Variants in CLIP2 observed in about 807,000 individuals in gnomAD.
The protein encoded by CLIP2 is CAP-Gly domain-containing linker protein 2.
In CLIP2, 41 loss-of-function variants were observed where a neutral mutation model predicts 111.7. The ratio of observed to expected loss-of-function variants is 0.37; its 90% CI spans 0.29 to 0.48. The LOEUF (loss-of-function observed/expected upper bound fraction) is 0.48. Ranked by LOEUF, CLIP2 falls within the 20% of genes least tolerant of loss-of-function variation. The pLI, the probability that CLIP2 is intolerant of heterozygous loss-of-function variation, is 0.99. For synonymous variants in CLIP2, 660 were observed against 644.2 expected (o/e 1.02, Z -0.37); for missense variants, 1,160 against 1,422.1 (o/e 0.82, Z 2.96).
chr7:74,351,616 AC>A (rs1790000952), intron 3 of CLIP2, among the ~76,000 whole-genome samples: 1 of 151,826 alleles, frequency 6.6e-6, no homozygotes, highest in Admixed American at 6.6e-5. Flanking sequence ...AGGGCAGATC[AC>A]CTGAGGTCAG....
intron 3 of CLIP2, among the ~76,000 whole-genome samples, chr7:74,351,750 C>G (rs541287681): frequency 7.2e-5 from 11 of 152,130 alleles, no homozygotes; most frequent in African/African-American, 2.7e-4. Flanking sequence ...GCTGGAGAAC[C>G]GCTTGAACCT....
Position 74,403,851 on chromosome 7 carries a change from C to T in CLIP2, c.*3C>T. 1 of 1,613,310 alleles carries T rather than the reference C, an allele frequency of 6.2e-7. No individual in the cohort carries two copies. The highest frequency in any genetic ancestry group is 1.1e-5 in the South Asian group (1 of 91,070). ...ACTCTCTCTAGGACAAGCACTGATC[C>T]TGAGGGGATACTGTGGAGCAGCCCA... On this transcript the variant is annotated 3_prime_UTR_variant, in exon 17 of 17. Transcript: ENST00000223398.
chr7:74,338,726 G>A lies in CLIP2; in HGVS notation c.400G>A (p.Ala134Thr). 1 of 1,593,522 alleles carries A rather than the reference G, an allele frequency of 6.3e-7. No homozygotes were observed. The highest frequency in any genetic ancestry group is 8.5e-7 in the Non-Finnish European group (1 of 1,173,258). ...VGGVRYFECP[A>T]LQGIFTRPSK... ...CGGCGTGCGCTACTTCGAGTGCCCG[G>A]CCCTCCAGGGTATCTTCACGCGGCC... The change falls in exon 3 of 17, where the codon GCC becomes ACC. Residue 134 changes from alanine to threonine, a missense_variant. By Grantham distance (58) the Ala-to-Thr change is moderately conservative. Transcript: ENST00000223398. This position sits in a 1 kb window ranked among gnomAD's most constrained non-coding sequence, Gnocchi z 4.3.
chr7:74,309,826 CAA>C (rs34735020), intron 1 of CLIP2, among the ~76,000 whole-genome samples: 309 of 128,000 alleles, frequency 2.4e-3, no homozygotes, highest in South Asian at 3.6e-3. Context: ...GACTCCATCT[CAA>C]AAAAAAAAAA....
intron 1 of CLIP2, among the ~76,000 whole-genome samples, chr7:74,306,854 G>T (rs991227323): frequency 6.6e-6 from 1 of 152,186 alleles, no homozygotes; most frequent in Non-Finnish European, 1.5e-5. Flanking sequence ...TGAAACTGAG[G>T]CTCTCTCTGG....
At chr7:74,396,972 C>G in intron 13 of CLIP2, 102 bp from the exon 14 acceptor site, 1 of 1,433,458 alleles carries the variant, frequency 7.0e-7, no homozygotes, top group Non-Finnish European at 9.5e-7. Context: ...CCCATGTCCC[C>G]CACCAGTTGG....
chr7:74,349,490 A>G lies in CLIP2; in HGVS notation c.679-4390A>G, dbSNP rs868913640. 8.9e-4 allele frequency among the ~76,000 whole-genome samples: 110 copies of G among 123,450 alleles called. 3 individuals are homozygous for G. In the South Asian group the frequency reaches 0.012, roughly 13 times the overall value. The allele number at this position is 123,450 out of a possible 152,430, so 81.0% of individuals were successfully genotyped here. A position where few individuals can be genotyped will look rare whatever the true frequency, so the allele number is the denominator to read the frequency against. On this transcript the variant is annotated intron_variant, in intron 3 of 16. Transcript: ENST00000223398. ...TGTGTGTATATATATATATATATAT[A>G]TATATATATATATATATATATGTAA...
At position 74,364,993 on chromosome 7, in the gene CLIP2, T is replaced by TTGTGTG. The variant is rs10600630; in HGVS notation, c.1380+731_1380+736dup. The TTGTGTG allele has an allele frequency of 5.5e-3, 1,468 of 264,890 alleles. 30 individuals are homozygous for TTGTGTG. Among genetic ancestry groups the TTGTGTG allele is most frequent in the Non-Finnish European group, 7.4e-3 (991 of 134,366 alleles). 16.4% of individuals were successfully genotyped at this position (264,890 alleles called of 1,614,324 possible). Reference sequence around the variant, plus strand: ...GAGCTATGATTGCGCCTGTTTTTTGTTGTGTGTGTGTGTGTGTGTGTGTGT... The same window carrying TTGTGTG: ...GAGCTATGATTGCGCCTGTTTTTTGTTGTGTGTGTGTGTGTGTGTGTGTGTGTGTGT... On this transcript the variant is annotated intron_variant, in intron 8 of 16. Coordinates refer to ENST00000223398, the MANE Select transcript of CLIP2 (RefSeq NM_003388.5).
At chr7:74,372,255 G>A (rs1340982505) in intron 8 of CLIP2, among the ~76,000 whole-genome samples, 4 of 152,124 alleles carry the variant, frequency 2.6e-5, no homozygotes, top group Non-Finnish European at 4.4e-5. Context: ...TGTGGGGTCC[G>A]GTGGGGTGGG....
intron 1 of CLIP2, among the ~76,000 whole-genome samples, chr7:74,296,562 G>C (rs1788174170): frequency 6.6e-6 from 1 of 151,950 alleles, no homozygotes. Flanking sequence ...GGCTGAGGCA[G>C]GCAGATCATG....
chr7:74,354,386 G>A (rs1401118455), intron 4 of CLIP2, among the ~76,000 whole-genome samples: 1 of 152,034 alleles, frequency 6.6e-6, no homozygotes, highest in Non-Finnish European at 1.5e-5. Flanking sequence ...GGCTGAGGCA[G>A]GTGGATCACT....
At chr7:74,336,874 TG>T (rs1789484042) in intron 2 of CLIP2, among the ~76,000 whole-genome samples, 3 of 49,428 alleles carry the variant, frequency 6.1e-5, no homozygotes, top group East Asian at 5.9e-4. Context: ...TTTTTTTTTT[TG>T]TTTTTTTTTG....
intron 12 of CLIP2, among the ~76,000 whole-genome samples, chr7:74,387,086 G>T (rs1393173215): frequency 2.6e-5 from 4 of 151,566 alleles, no homozygotes; most frequent in Non-Finnish European, 2.9e-5. Flanking sequence ...ATGTACCTGG[G>T]GAGCAGTGAG....
intron 1 of CLIP2, among the ~76,000 whole-genome samples, chr7:74,303,911 C>CAA (rs34205594): frequency 0.59 from 73,541 of 124,390 alleles, 23,660 homozygotes; most frequent in Non-Finnish European, 0.75. Flanking sequence ...GACTCGGTCT[C>CAA]AAAAAAAAAA....
At chr7:74,361,717 G>A (rs1790335628) in intron 7 of CLIP2, among the ~76,000 whole-genome samples, 2 of 152,244 alleles carry the variant, frequency 1.3e-5, no homozygotes, top group East Asian at 1.9e-4. Flanking sequence ...TACACATCAG[G>A]AAACTGAAGT....
chr7:74,349,426 T>C (rs1789906176), intron 3 of CLIP2, among the ~76,000 whole-genome samples: 2 of 55,040 alleles, frequency 3.6e-5, no homozygotes, highest in Admixed American at 2.5e-4. Flanking sequence ...CGAGACTCTG[T>C]CTCAAAAAAA....
intron 3 of CLIP2, among the ~76,000 whole-genome samples, chr7:74,351,855 A>C (rs1790012228): frequency 6.6e-6 from 1 of 152,050 alleles, no homozygotes; most frequent in African/African-American, 2.4e-5. Flanking sequence ...AAATAAAATA[A>C]AATAAAATAC....
At chr7:74,295,416 G>A (rs1294816602) in intron 1 of CLIP2, among the ~76,000 whole-genome samples, 1 of 152,184 alleles carries the variant, frequency 6.6e-6, no homozygotes, top group African/African-American at 2.4e-5. Context: ...CACATTGAGT[G>A]TGAAGTTGGG....
intron 13 of CLIP2, among the ~76,000 whole-genome samples, chr7:74,395,349 G>C (rs1791417387): frequency 6.6e-6 from 1 of 152,018 alleles, no homozygotes; most frequent in South Asian, 2.1e-4. Context: ...AGTAGAGATG[G>C]GGTTTCACCA....
Sources: allele counts gnomAD v4.1 joint callset (sites outside exome capture counted in the v4.1 genomes callset), GRCh38; gene constraint gnomAD v4.1.1; non-coding constraint Gnocchi (gnomAD v3.1); transcripts MANE v1.5; gene names NCBI Gene and HGNC (gene_info 2026-07-23, HGNC 2026-07-21).